BCO2: variants seen among roughly 807,000 people sequenced by gnomAD.
BCO2 encodes the protein carotenoid-cleaving dioxygenase, mitochondrial.
In BCO2, 56 loss-of-function variants were observed where a neutral mutation model predicts 65.8. The ratio of observed to expected loss-of-function variants is 0.85; its 90% CI spans 0.69 to 1.06. The LOEUF is 1.06. Ranked by LOEUF, BCO2 falls within the 50% of genes least tolerant of loss-of-function variation. The pLI, the probability that BCO2 is intolerant of heterozygous loss-of-function variation, is 0.00. For missense variants in BCO2, 675 were observed against 698.5 expected (o/e 0.97, Z 0.38); for synonymous variants, 233 against 242.3 (o/e 0.96, Z 0.36).
At position 112,179,411 on chromosome 11, in the gene BCO2, A is replaced by T; in HGVS notation, c.222A>T (p.Gly74=). 1.2e-6 allele frequency: 2 copies of T among 1,614,158 alleles called. No individual in the cohort carries two copies. Among genetic ancestry groups the T allele is most frequent in the Non-Finnish European group, 1.7e-6 (2 of 1,180,036 alleles). The part of the protein sequence containing the change: ...APRGISARVW[G]HFPKWLNGSL... Reference sequence around the variant, plus strand: ...GGGGCATCTCTGCTCGAGTCTGGGGACATTTTCCTAAGTGGCTCAATGGCT... The same window carrying T: ...GGGGCATCTCTGCTCGAGTCTGGGGTCATTTTCCTAAGTGGCTCAATGGCT... The change falls in exon 2 of 12, where the codon GGA becomes GGT. Residue 74 remains glycine (G), a synonymous_variant. Transcript: ENST00000357685.
chr11:112,208,846 A>T, intron 8 of BCO2: 1 of 181,360 alleles, frequency 5.5e-6, no homozygotes. Flanking sequence ...TATAGAAGTA[A>T]ACTTGTGTCT....
intron 2 of BCO2, among the ~76,000 whole-genome samples, chr11:112,189,845 A>G (rs1867320632): frequency 6.6e-6 from 1 of 152,172 alleles, no homozygotes; most frequent in Non-Finnish European, 1.5e-5. Context: ...TAGTCCCAAT[A>G]CTTTATAAAT....
chr11:112,177,152 C>T (rs1169977425), intron 1 of BCO2, among the ~76,000 whole-genome samples: 1 of 152,050 alleles, frequency 6.6e-6, no homozygotes, highest in Non-Finnish European at 1.5e-5. Context: ...CATACCTGAC[C>T]TTAGGGAATT....
At chr11:112,189,627 C>T (rs1047066824) in intron 2 of BCO2, among the ~76,000 whole-genome samples, 13 of 152,124 alleles carry the variant, frequency 8.5e-5, no homozygotes, top group Non-Finnish European at 4.4e-5. Context: ...TGGTCTTGAT[C>T]TCCTGACCTT....
chr11:112,205,240 A>G (rs1481324759), intron 8 of BCO2, among the ~76,000 whole-genome samples: 2 of 152,170 alleles, frequency 1.3e-5, no homozygotes, highest in Non-Finnish European at 2.9e-5. Context: ...ACTGTTTTTC[A>G]TAATGGCTGT....
At chr11:112,211,708 C>G in intron 8 of BCO2, among the ~76,000 whole-genome samples, 1 of 152,130 alleles carries the variant, frequency 6.6e-6, no homozygotes, top group Non-Finnish European at 1.5e-5. Context: ...TTGCATTTTC[C>G]TAATGACTAA....
chr11:112,213,691 G>T, intron 8 of BCO2, 33 bp from the exon 9 acceptor site: 1 of 1,603,936 alleles, frequency 6.2e-7, no homozygotes, highest in South Asian at 1.1e-5. Flanking sequence ...CCATATGAAT[G>T]ACAATTTTCA....
At chr11:112,194,862 G>C (rs1867523664) in intron 5 of BCO2, 107 bp downstream of exon 5, 1 of 707,246 alleles carries the variant, frequency 1.4e-6, no homozygotes, top group East Asian at 2.8e-5. Context: ...GTAGAGAGAG[G>C]GTGCTCTGGA....
At position 112,216,313 on chromosome 11, in the gene BCO2, G is replaced by C; in HGVS notation, c.1609G>C (p.Val537Leu). ...AGATGGTGGGGTTATTCTTTCTGTG[G>C]TGATCACTCCCAACCAGGTAAATAT... is the stretch of plus-strand genomic sequence containing the variant. ...EEDGGVILSV[V>L]ITPNQNESNF... Residue 537 changes from valine to leucine, a missense_variant, in exon 11 of 12, where the codon GTG becomes CTG. By Grantham distance (32) the Val-to-Leu change is conservative. Coordinates refer to ENST00000357685, the MANE Select transcript of BCO2 (RefSeq NM_031938.7). 6.2e-7 allele frequency: 1 copy of C among 1,613,632 alleles called. No homozygotes were observed. Among genetic ancestry groups the C allele is most frequent in the East Asian group, 2.2e-5 (1 of 44,862 alleles).
chr11:112,189,659 C>A (rs1179149445), intron 2 of BCO2, among the ~76,000 whole-genome samples: 1 of 152,080 alleles, frequency 6.6e-6, no homozygotes, highest in Non-Finnish European at 1.5e-5. Flanking sequence ...GCCTCGGCCT[C>A]CCAAAGTGCT....
In BCO2 at chr11:112,200,906, C is replaced by T. The variant is rs756017764; in HGVS notation, c.1026+133C>T. 3.2e-5 allele frequency: 30 copies of T among 931,910 alleles called. 2 individuals carry two copies. In the South Asian group the frequency reaches 4.4e-4, roughly 14 times the overall value. The allele number at this position is 931,910 out of a possible 1,614,324, so 57.7% of individuals were successfully genotyped here. ...TTTTAATCAAGGATATTACCTTCTT[C>T]TATAGGTTGAGCTAGCTACTTATTA... On this transcript the variant is annotated intron_variant, in intron 7 of 11. Transcript: ENST00000357685.
At chr11:112,183,703 G>A (rs1488460382) in intron 2 of BCO2, among the ~76,000 whole-genome samples, 2 of 152,174 alleles carry the variant, frequency 1.3e-5, no homozygotes, top group African/African-American at 2.4e-5. Context: ...TTAAATACCT[G>A]TCACACTGTA....
Position 112,194,662 on chromosome 11 carries a change from A to T in BCO2, c.643A>T (p.Ser215Cys), listed in dbSNP as rs1483074910. The T allele has an allele frequency of 1.9e-6, 3 of 1,611,132 alleles. No homozygotes were observed. Among genetic ancestry groups the T allele is most frequent in the Non-Finnish European group, 2.5e-6 (3 of 1,177,946 alleles). Residue 215 changes from serine to cysteine, a missense_variant, in exon 5 of 12, where the codon AGC (serine) becomes TGC (cysteine). Ser to Cys is a moderately radical substitution (Grantham distance 112). Transcript: ENST00000357685. ...TLEKTEKVDWSKFIAVNGATA... is the reference protein window; with the variant it reads ...TLEKTEKVDWCKFIAVNGATA... ...GGTCTCAAATTTGCAGGTAGATTGG[A>T]GCAAATTTATTGCTGTGAATGGAGC...
chr11:112,216,155 A>G (rs1180815424), intron 10 of BCO2, 65 bp from the exon 11 acceptor site: 5 of 1,074,458 alleles, frequency 4.7e-6, no homozygotes, highest in Non-Finnish European at 7.2e-6. Flanking sequence ...TGGAGTGACA[A>G]AAGCCATAGA....
intron 7 of BCO2, among the ~76,000 whole-genome samples, chr11:112,201,175 G>C (rs1305802518): frequency 1.3e-5 from 2 of 151,090 alleles, no homozygotes; most frequent in Admixed American, 6.6e-5. Context: ...TTTAGATGGA[G>C]TCTTGCTCTA....
chr11:112,201,104 C>T (rs1867718974), intron 7 of BCO2, among the ~76,000 whole-genome samples: 1 of 152,006 alleles, frequency 6.6e-6, no homozygotes, highest in Non-Finnish European at 1.5e-5. Context: ...GTAATTTTTG[C>T]AGTAATACTT....
intron 6 of BCO2, 29 bp from the exon 7 acceptor site, chr11:112,200,584 C>G: frequency 6.3e-7 from 1 of 1,579,588 alleles, no homozygotes; most frequent in Non-Finnish European, 8.6e-7. Flanking sequence ...TGCCAAATAA[C>G]ATTTTTATTG....
chr11:112,195,947 A>G (rs528322609), intron 5 of BCO2, among the ~76,000 whole-genome samples: 1 of 152,258 alleles, frequency 6.6e-6, no homozygotes, highest in East Asian at 1.9e-4. Flanking sequence ...CCTGGATCTC[A>G]CCGATTAACC....
chr11:112,207,345 C>T (rs1262835757), intron 8 of BCO2, among the ~76,000 whole-genome samples: 2 of 152,146 alleles, frequency 1.3e-5, no homozygotes, highest in East Asian at 1.9e-4. Context: ...AATGAATAAA[C>T]ATTCTTAACT....
Sources: allele counts gnomAD v4.1 joint callset (sites outside exome capture counted in the v4.1 genomes callset), GRCh38; gene constraint gnomAD v4.1.1; transcripts MANE v1.5; gene names NCBI Gene and HGNC (gene_info 2026-07-23, HGNC 2026-07-21).